Variants in EML1 observed in about 807,000 individuals in gnomAD.
EML1 encodes echinoderm microtubule-associated protein-like 1.
In EML1, 27 loss-of-function variants were observed where a neutral mutation model predicts 110.4. The observed-to-expected ratio is 0.24, with a 90% confidence interval of 0.18 to 0.34. The LOEUF (loss-of-function observed/expected upper bound fraction) is 0.34. Among genes scored for constraint, EML1 ranks in the 10% least tolerant of loss-of-function variants. The pLI is 1.00. For synonymous variants in EML1, 344 were observed against 385.8 expected (o/e 0.89, Z 1.27); for missense variants, 741 against 1,030.9 (o/e 0.72, Z 3.85).
intron 1 of EML1, among the ~76,000 whole-genome samples, chr14:99,824,152 G>T (rs1260952514): frequency 6.6e-6 from 1 of 151,994 alleles, no homozygotes; most frequent in Non-Finnish European, 1.5e-5. Context: ...TAGAGATGGG[G>T]TTTCACTATG....
chr14:99,746,649 C>T (rs895390635), intron 1 of EML1, among the ~76,000 whole-genome samples: 15 of 152,130 alleles, frequency 9.9e-5, no homozygotes, highest in Non-Finnish European at 1.5e-4. Flanking sequence ...CCTGGTGCCC[C>T]GGCTCTACCC....
At chr14:99,770,638 A>G (rs905286808), upstream of EML1, among the ~76,000 whole-genome samples, 5 of 152,154 alleles carry the variant, frequency 3.3e-5, no homozygotes, top group African/African-American at 9.7e-5. Context: ...TTTGTAAAAC[A>G]GGGATGTTCC....
intron 1 of EML1, among the ~76,000 whole-genome samples, chr14:99,818,453 C>A (rs145598042): frequency 9.5e-4 from 145 of 151,966 alleles, no homozygotes; most frequent in African/African-American, 3.4e-3. Context: ...ATGTAGAGGG[C>A]AAAAAATATG....
rs1281627457 is a variant in EML1 at position 99,827,375 on chromosome 14, T to C, written c.68-23478T>C. On this transcript the variant is annotated intron_variant, in intron 1 of 21. Transcript: ENST00000262233. This position sits in a 1 kb window ranked among gnomAD's most constrained non-coding sequence, Gnocchi z 4.4. ...GCATAGCTGGTATGAGTACTCGAAG[T>C]ACCCCGGCAGAGTAGCGGCACCTAG... is the stretch of plus-strand genomic sequence containing the variant. 1.3e-5 allele frequency among the ~76,000 whole-genome samples: 2 copies of C among 151,962 alleles called. No homozygotes were observed. Among genetic ancestry groups the C allele is most frequent in the African/African-American group, 4.8e-5 (2 of 41,366 alleles).
At chr14:99,921,001 A>G (rs2060121558) in intron 17 of EML1, 124 bp downstream of exon 17, 2 of 851,556 alleles carry the variant, frequency 2.3e-6, no homozygotes, top group South Asian at 1.7e-5. Flanking sequence ...GGTTTAACGC[A>G]CAGATCAACC....
intron 17 of EML1, among the ~76,000 whole-genome samples, chr14:99,931,583 T>C (rs370074537): frequency 3.9e-5 from 6 of 152,056 alleles, no homozygotes; most frequent in Admixed American, 2.6e-4. Flanking sequence ...CTTATTTCAG[T>C]GGAGTAAGTT....
rs139537615 is a variant in EML1, at chr14:99,859,380, C to T, written c.251-6134C>T. On this transcript the variant is annotated intron_variant, in intron 2 of 21. Coordinates refer to ENST00000262233, the MANE Select transcript of EML1 (RefSeq NM_004434.3). ...GTTGCCCTTCTCCCTTCACTTCCAG[C>T]GGGTTGGTAGGGTCTGTTCTCAGAG... 2.5e-3 allele frequency among the ~76,000 whole-genome samples: 382 copies of T among 152,232 alleles called. 2 individuals carry two copies. The highest frequency in any genetic ancestry group is 8.7e-3 in the African/African-American group (362 of 41,518).
intron 1 of EML1, among the ~76,000 whole-genome samples, chr14:99,850,598 TATA>T (rs2139829680): frequency 6.6e-6 from 1 of 152,214 alleles, no homozygotes; most frequent in Non-Finnish European, 1.5e-5. Context: ...TGTAGAAAAG[TATA>T]ATGTCAATTA....
chr14:99,809,904 G>A (rs1430118580), intron 1 of EML1, among the ~76,000 whole-genome samples: 2 of 152,152 alleles, frequency 1.3e-5, no homozygotes, highest in East Asian at 1.9e-4. Context: ...CTGGACTTCC[G>A]TTTTAAAGTC....
chr14:99,751,962 A>T (rs1268310450), intron 1 of EML1, among the ~76,000 whole-genome samples: 1 of 152,140 alleles, frequency 6.6e-6, no homozygotes, highest in East Asian at 1.9e-4. Flanking sequence ...TGGCAGCAGG[A>T]GGGAATGTTC....
chr14:99,818,274 T>G (rs538917418), intron 1 of EML1, among the ~76,000 whole-genome samples: 1 of 151,686 alleles, frequency 6.6e-6, no homozygotes, highest in Non-Finnish European at 1.5e-5. Context: ...GGATGCGGAG[T>G]GATGAGAGTG....
At chr14:99,895,563 A>G (rs1030772649) in intron 6 of EML1, among the ~76,000 whole-genome samples, 1 of 152,136 alleles carries the variant, frequency 6.6e-6, no homozygotes, top group Non-Finnish European at 1.5e-5. Context: ...TTTAAACCCA[A>G]AGAAAGAGGG....
At chr14:99,926,416 C>T (rs1354197625) in intron 17 of EML1, among the ~76,000 whole-genome samples, 3 of 151,688 alleles carry the variant, frequency 2.0e-5, no homozygotes, top group African/African-American at 7.3e-5. Flanking sequence ...TCCTGAGTAG[C>T]TGGAACTACA....
At chr14:99,903,816 C>G (rs1013057842) in intron 9 of EML1, among the ~76,000 whole-genome samples, 7 of 146,526 alleles carry the variant, frequency 4.8e-5, no homozygotes, top group Admixed American at 2.0e-4. Flanking sequence ...CAGAGTCTCA[C>G]TCTGTCACCC....
At chr14:99,789,277 C>T (rs549295728), upstream of EML1, among the ~76,000 whole-genome samples, 4 of 152,270 alleles carry the variant, frequency 2.6e-5, no homozygotes, top group East Asian at 7.7e-4. Flanking sequence ...GGCACGATCT[C>T]GGCTCATTGC....
upstream of EML1, among the ~76,000 whole-genome samples, chr14:99,770,878 G>A (rs981614060): frequency 1.1e-4 from 15 of 139,872 alleles, no homozygotes; most frequent in Admixed American, 5.0e-4. Context: ...TCCGCCTCCC[G>A]GGTTCACGCC....
intron 1 of EML1, among the ~76,000 whole-genome samples, chr14:99,825,029 G>A (rs2058329527): frequency 6.6e-6 from 1 of 152,076 alleles, no homozygotes; most frequent in Admixed American, 6.5e-5. Context: ...TGTCTCCCAG[G>A]CTGGAGTGCA....
In EML1 at chr14:99,810,640, C is replaced by T. The variant is rs553721746; in HGVS notation, c.67+17097C>T. Among the ~76,000 whole-genome samples, 11 of 152,240 alleles carry T rather than the reference C, an allele frequency of 7.2e-5. No individual in the cohort carries two copies. The South Asian group carries it at 1.5e-3, about 20-fold the overall frequency. ...TGAAGCAGTGGCTTTTTCAGATACC[C>T]GGGACAAATCACGTGACCTTGTGGC... is the stretch of plus-strand genomic sequence containing the variant. On this transcript the variant is annotated intron_variant, in intron 1 of 21. Transcript: ENST00000262233.
intron 1 of EML1, among the ~76,000 whole-genome samples, chr14:99,761,798 G>A (rs984331885): frequency 2.0e-5 from 3 of 151,894 alleles, no homozygotes; most frequent in Non-Finnish European, 4.4e-5. Flanking sequence ...GGTGGCAGGC[G>A]CCTGTAATCC....
Sources: gnomAD v4.1 joint callset for allele counts (sites outside exome capture counted in the v4.1 genomes callset) on GRCh38, gnomAD v4.1.1 for gene constraint, Gnocchi (gnomAD v3.1) non-coding constraint, MANE v1.5 for transcripts, NCBI Gene and HGNC (gene_info 2026-07-23, HGNC 2026-07-21) for gene names.